ERC2: variants seen among roughly 807,000 people sequenced by gnomAD.
ERC2 encodes the protein ELKS/RAB6-interacting/CAST family member 2.
A neutral mutation model predicts 114.8 loss-of-function variants in ERC2; 42 were observed. The ratio of observed to expected loss-of-function variants is 0.37; its 90% confidence interval spans 0.29 to 0.47. ERC2 has a LOEUF of 0.47. Among genes scored for constraint, ERC2 ranks in the 20% least tolerant of loss-of-function variants. The pLI, the probability that ERC2 is intolerant of heterozygous loss-of-function variation, is 0.99. For missense variants in ERC2, 939 were observed against 1,150.7 expected, an observed-to-expected ratio of 0.82 and a Z score of 2.66; for synonymous variants, 454 against 425.5, an observed-to-expected ratio of 1.07 and a Z score of -0.82.
chr3:55,777,278 C>A (rs931689470), intron 14 of ERC2, among the ~76,000 whole-genome samples: 1 of 142,468 alleles, frequency 7.0e-6, no homozygotes, highest in Non-Finnish European at 1.5e-5. Context: ...GGGGTAACAA[C>A]CTGCAGAAAG....
At chr3:55,694,890 G>A (rs1011735967) in intron 16 of ERC2, among the ~76,000 whole-genome samples, 1 of 152,220 alleles carries the variant, frequency 6.6e-6, no homozygotes, top group Non-Finnish European at 1.5e-5. Context: ...GGCATTTTAA[G>A]TTGGCTGGGG....
intron 4 of ERC2, among the ~76,000 whole-genome samples, chr3:56,166,435 T>A (rs1009146713): frequency 6.6e-6 from 1 of 152,108 alleles, no homozygotes; most frequent in Admixed American, 6.6e-5. Flanking sequence ...AGTTTCTGTA[T>A]GATTGATTTC....
chr3:56,450,222 C>T (rs965008836), intron 1 of ERC2, among the ~76,000 whole-genome samples: 8 of 152,164 alleles, frequency 5.3e-5, no homozygotes, highest in African/African-American at 1.9e-4. Flanking sequence ...TCCTTTAGTT[C>T]CCCCAAACTC....
At chr3:56,274,961 T>C (rs1275686693) in intron 3 of ERC2, among the ~76,000 whole-genome samples, 2 of 152,226 alleles carry the variant, frequency 1.3e-5, no homozygotes, top group Non-Finnish European at 2.9e-5. Flanking sequence ...ATCCAGTTGC[T>C]ATAGTGCAGG....
chr3:55,610,893 A>C (rs2058884232), intron 17 of ERC2: 1 of 152,246 alleles, frequency 6.6e-6, no homozygotes, highest in Non-Finnish European at 1.5e-5. Flanking sequence ...GAGTTCCAGC[A>C]TGGGTGCTCA....
chr3:55,585,636 G>C (rs1286956094), intron 17 of ERC2, among the ~76,000 whole-genome samples: 1 of 152,198 alleles, frequency 6.6e-6, no homozygotes, highest in African/African-American at 2.4e-5. Context: ...CCCTGTTAGA[G>C]AGAGCTCTTT....
At chr3:56,249,621 C>T (rs1012006181) in intron 3 of ERC2, among the ~76,000 whole-genome samples, 1 of 151,932 alleles carries the variant, frequency 6.6e-6, no homozygotes, top group Non-Finnish European at 1.5e-5. Context: ...CCACCGTGCC[C>T]GGCCTAATTC....
chr3:56,031,794 G>GA (rs1438992797), intron 7 of ERC2, among the ~76,000 whole-genome samples: 3 of 152,072 alleles, frequency 2.0e-5, no homozygotes, highest in Admixed American at 6.5e-5. Flanking sequence ...ACAAAAACAA[G>GA]AAAAAACAAT....
intron 15 of ERC2, among the ~76,000 whole-genome samples, chr3:55,733,925 GT>G (rs1477703767): frequency 6.6e-6 from 1 of 152,228 alleles, no homozygotes; most frequent in Non-Finnish European, 1.5e-5. Flanking sequence ...AGCTGACTGA[GT>G]TTCATAATGA....
At chr3:56,452,517 T>G (rs2062867426) in intron 1 of ERC2, among the ~76,000 whole-genome samples, 2 of 152,350 alleles carry the variant, frequency 1.3e-5, no homozygotes, top group South Asian at 4.1e-4. Flanking sequence ...GATTTAGGTT[T>G]TAAAAAGGTG....
intron 1 of ERC2, among the ~76,000 whole-genome samples, chr3:56,448,516 C>T (rs1468039749): frequency 6.6e-6 from 1 of 152,188 alleles, no homozygotes; most frequent in Non-Finnish European, 1.5e-5. Context: ...TCCGCCAACA[C>T]CCTTTCTCCC....
intron 17 of ERC2, among the ~76,000 whole-genome samples, chr3:55,603,977 C>T (rs1251261443): frequency 6.6e-6 from 1 of 152,138 alleles, no homozygotes; most frequent in Non-Finnish European, 1.5e-5. Flanking sequence ...GATTTCACCC[C>T]CCCCAGCATG....
intron 17 of ERC2, among the ~76,000 whole-genome samples, chr3:55,675,914 T>TTTTTTG (rs2061782224): frequency 1.4e-5 from 1 of 72,334 alleles, no homozygotes; most frequent in Non-Finnish European, 3.2e-5. Context: ...TTTTTTTTTT[T>TTTTTTG]TTTTTTTTTT....
At chr3:55,986,145 T>C (rs1412389190) in intron 11 of ERC2, among the ~76,000 whole-genome samples, 157 bp from the exon 12 acceptor site, 1 of 152,204 alleles carries the variant, frequency 6.6e-6, no homozygotes, top group East Asian at 1.9e-4. Flanking sequence ...CAAACTTTTA[T>C]CTTATATTAC....
At position 56,080,863 on chromosome 3, in the gene ERC2, T is replaced by A. The variant is rs771214634; in HGVS notation, c.1595A>T (p.Asp532Val). ...TLAGEIRDMK[D>V]MLEVKERKIN... is the part of the protein sequence containing the mutation. ...TTTTCTTTCCTTCACTTCTAACATA[T>A]CTTTCATGTCACGAATTTCACCGGC... is the stretch of plus-strand genomic sequence containing the variant. The change falls in exon 7 of 18, where the codon GAT (aspartate) becomes GTT (valine). Residue 532 changes from aspartate (D) to valine (V), a missense_variant. Transcript: ENST00000288221. 2.5e-6 allele frequency: 4 copies of A among 1,613,676 alleles called. No homozygotes were observed. The highest frequency in any genetic ancestry group is 3.4e-6 in the Non-Finnish European group (4 of 1,179,766).
intron 17 of ERC2, among the ~76,000 whole-genome samples, chr3:55,571,952 A>G (rs1015775794): frequency 6.6e-6 from 1 of 152,192 alleles, no homozygotes; most frequent in Non-Finnish European, 1.5e-5. Flanking sequence ...TCCTTACAAG[A>G]TAATGTGAAC....
rs189301684 is a variant in ERC2, at chr3:55,738,749, C to T, written c.2565-3831G>A. ...AATCACTGTCAAAAGTCATCATCAA[C>T]CAAAAAACAATCATTTTTTAAAATT... On this transcript the variant is annotated intron_variant, in intron 14 of 17. Coordinates refer to ENST00000288221, the MANE Select transcript of ERC2 (RefSeq NM_015576.3). 2.8e-4 allele frequency among the ~76,000 whole-genome samples: 43 copies of T among 152,194 alleles called. No individual in the cohort carries two copies. The East Asian group carries it at 7.7e-3, about 27-fold the overall frequency.
intron 12 of ERC2, among the ~76,000 whole-genome samples, chr3:55,984,606 G>A (rs759585951): frequency 5.3e-5 from 8 of 151,844 alleles, no homozygotes; most frequent in Non-Finnish European, 8.8e-5. Flanking sequence ...CGCCCATTAT[G>A]ATGTCTGTGT....
chr3:55,967,205 A>G (rs1047439178), intron 12 of ERC2, among the ~76,000 whole-genome samples: 2 of 152,218 alleles, frequency 1.3e-5, no homozygotes, highest in African/African-American at 4.8e-5. Context: ...TCTTTATTAA[A>G]TGTAGCTGTA....
Sources: allele counts gnomAD v4.1 joint callset (sites outside exome capture counted in the v4.1 genomes callset), GRCh38; gene constraint gnomAD v4.1.1; transcripts MANE v1.5; gene names NCBI Gene and HGNC (gene_info 2026-07-23, HGNC 2026-07-21).